ARPC5: variants seen among roughly 807,000 people sequenced by gnomAD.
ARPC5 encodes actin related protein 2/3 complex subunit 5.
ARPC5 carries 5 observed loss-of-function variants against 15.4 expected under a neutral mutation model. The observed-to-expected ratio is 0.32, with a 90% CI of 0.17 to 0.68. The LOEUF (loss-of-function observed/expected upper bound fraction) is 0.68, where lower values mean the gene tolerates loss of function less well. Among genes scored for constraint, ARPC5 ranks in the 30% least tolerant of loss-of-function variants. ARPC5 has a pLI of 0.71. For missense variants in ARPC5, 138 were observed against 192.8 expected, an observed-to-expected ratio of 0.72 and a Z score of 1.68; for synonymous variants, 85 against 72.2, an observed-to-expected ratio of 1.18 and a Z score of -0.90.
intron 1 of ARPC5, among the ~76,000 whole-genome samples, 173 bp downstream of exon 1, chr1:183,635,343 CG>C (rs1180217748): frequency 6.6e-6 from 1 of 152,174 alleles, no homozygotes; most frequent in Non-Finnish European, 1.5e-5. Flanking sequence ...GGGTAGGAAA[CG>C]GGGGCTTCCC....
At chr1:183,632,825 G>T in intron 2 of ARPC5, 1 of 309,402 alleles carries the variant, frequency 3.2e-6, no homozygotes, top group Non-Finnish European at 5.9e-6. Context: ...AATTCAGCCT[G>T]AGTGGTCTCC....
At chr1:183,628,387 A>T (rs74953013) in intron 3 of ARPC5, among the ~76,000 whole-genome samples, 1,566 of 152,240 alleles carry the variant, frequency 0.01, 25 homozygotes, top group African/African-American at 0.036. Context: ...GAACTTAGAA[A>T]CTTTAACTCT....
rs938788358 is a variant in ARPC5, at chr1:183,626,650, C to T, written c.*882G>A. The T allele has an allele frequency of 3.3e-5, 5 of 152,574 alleles. No individual in the cohort carries two copies. Among genetic ancestry groups the T allele is most frequent in the African/African-American group, 1.2e-4 (5 of 41,426 alleles). 9.5% of individuals were successfully genotyped at this position (152,574 alleles called of 1,614,324 possible). A position where few individuals can be genotyped will look rare whatever the true frequency, so the allele number is the denominator to read the frequency against. On this transcript the variant is annotated 3_prime_UTR_variant, in exon 4 of 4. Coordinates refer to ENST00000359856, the MANE Select transcript of ARPC5 (RefSeq NM_005717.4). The stretch of plus-strand genomic sequence containing the variant: ...GGTATCTTAAATACTAGTTGTATAC[C>T]TCATAATGTCTAAGGCAGCTATTAT...
chr1:183,628,609 A>G (rs1016037219), intron 3 of ARPC5, among the ~76,000 whole-genome samples: 3 of 152,230 alleles, frequency 2.0e-5, no homozygotes, highest in Admixed American at 6.5e-5. Flanking sequence ...GTATGAAATG[A>G]GAGTTGTGCT....
intron 2 of ARPC5, chr1:183,631,579 CAAAAAAAAAAAAAA>C (rs56947109): frequency 1.4e-5 from 1 of 70,192 alleles, no homozygotes; most frequent in African/African-American, 4.4e-5. Flanking sequence ...GACTCCGTCT[CAAAAAAAAAAAAAA>C]AAAAAAAAAA....
chr1:183,630,236 T>C (rs1303325595), intron 3 of ARPC5: 2 of 384,314 alleles, frequency 5.2e-6, no homozygotes, highest in Middle Eastern at 1.4e-3. Flanking sequence ...TTCAAGATTA[T>C]GTTTAATTAC....
At position 183,625,810 on chromosome 1, in the gene ARPC5, G is replaced by C. The variant is rs1345882506; in HGVS notation, c.*1722C>G. Reference sequence around the variant, plus strand: ...GTGTTTTAAAGTGGGAATCTAGTCAGGTGAAGATCGAAAGCAAACAGAAGT... The same window carrying C: ...GTGTTTTAAAGTGGGAATCTAGTCACGTGAAGATCGAAAGCAAACAGAAGT... On this transcript the variant is annotated 3_prime_UTR_variant, in exon 4 of 4. Transcript: ENST00000359856. The C allele has an allele frequency of 6.6e-6, 1 of 152,212 alleles. No homozygotes were observed. The highest frequency in any genetic ancestry group is 1.5e-5 in the Non-Finnish European group (1 of 68,048). 9.4% of individuals were successfully genotyped at this position (152,212 alleles called of 1,614,324 possible). A position where few individuals can be genotyped will look rare whatever the true frequency, so the allele number is the denominator to read the frequency against.
At chr1:183,632,025 TA>T (rs1188103342) in intron 2 of ARPC5, 1 of 152,174 alleles carries the variant, frequency 6.6e-6, no homozygotes. Flanking sequence ...GCATCCACGG[TA>T]AAAATGAAAT....
At chr1:183,632,920 C>A in intron 2 of ARPC5, 162 bp downstream of exon 2, 1 of 547,342 alleles carries the variant, frequency 1.8e-6, no homozygotes, top group Non-Finnish European at 3.2e-6. Flanking sequence ...CATTATAGGG[C>A]TATTTTTTCA....
chr1:183,633,174 T>G lies in ARPC5; in HGVS notation c.144-20A>C, dbSNP rs1649317536. The G allele has an allele frequency of 6.3e-7, 1 of 1,575,740 alleles. No homozygotes were observed. The highest frequency in any genetic ancestry group is 8.6e-7 in the Non-Finnish European group (1 of 1,162,984). ...TTTCCTGTGATGGAAGTTAAGGGTG[T>G]AACAGCAAAGGATGGCCCCCAGGAA... On this transcript the variant is annotated intron_variant, in intron 1 of 3. Coordinates refer to ENST00000359856, the MANE Select transcript of ARPC5 (RefSeq NM_005717.4).
intron 2 of ARPC5, chr1:183,630,875 GA>G: frequency 2.4e-6 from 1 of 411,234 alleles, no homozygotes; most frequent in Non-Finnish European, 4.3e-6. Flanking sequence ...ATTGGTGGGA[GA>G]AAAGCACGTG....
intron 2 of ARPC5, 140 bp from the exon 3 acceptor site, chr1:183,630,777 AGT>A (rs1298257694): frequency 1.3e-6 from 1 of 754,650 alleles, no homozygotes; most frequent in Non-Finnish European, 2.1e-6. Context: ...AACTGAGGAA[AGT>A]GTTTCAGACA....
At chr1:183,633,810 GCT>G (rs1309661388) in intron 1 of ARPC5, 3 of 152,046 alleles carry the variant, frequency 2.0e-5, no homozygotes, top group African/African-American at 7.3e-5. Context: ...TTAAATTCAG[GCT>G]CTCTTTGAAA....
At chr1:183,630,397 G>A (rs1649227180) in intron 3 of ARPC5, 64 bp downstream of exon 3, 4 of 1,294,968 alleles carry the variant, frequency 3.1e-6, no homozygotes, top group Non-Finnish European at 4.2e-6. Context: ...AGGTGAGAGA[G>A]GTTGTCATTG....
intron 2 of ARPC5, 95 bp from the exon 3 acceptor site, chr1:183,630,732 TAAGGACCTG>T (rs1649239801): frequency 8.2e-7 from 1 of 1,224,532 alleles, no homozygotes; most frequent in African/African-American, 1.5e-5. Flanking sequence ...GACATTTGAG[TAAGGACCTG>T]AAGGACGTGA....
At chr1:183,634,533 G>T (rs1262685177) in intron 1 of ARPC5, among the ~76,000 whole-genome samples, 1 of 152,096 alleles carries the variant, frequency 6.6e-6, no homozygotes, top group East Asian at 1.9e-4. Flanking sequence ...TACAGCTTCG[G>T]TTTTTTTGCA....
chr1:183,623,802 C>T lies in ARPC5; in HGVS notation c.*3730G>A. 3.0e-6 allele frequency: 1 copy of T among 332,014 alleles called. No homozygotes were observed. The highest frequency in any genetic ancestry group is 5.7e-6 in the Non-Finnish European group (1 of 176,766). 20.6% of individuals were successfully genotyped at this position (332,014 alleles called of 1,614,324 possible). On this transcript the variant is annotated 3_prime_UTR_variant, in exon 4 of 4. Transcript: ENST00000359856. Reference sequence around the variant, plus strand: ...CTTTGGGAGGCGGAGGAGGGTGGATCACCTGAGGTCAGGAGTTCAAGACCA... The same window carrying T: ...CTTTGGGAGGCGGAGGAGGGTGGATTACCTGAGGTCAGGAGTTCAAGACCA...
At chr1:183,634,404 T>C (rs540111998) in intron 1 of ARPC5, among the ~76,000 whole-genome samples, 2 of 152,344 alleles carry the variant, frequency 1.3e-5, no homozygotes, top group South Asian at 4.1e-4. Flanking sequence ...ATTGTTGCCA[T>C]TAAATATTTT....
In ARPC5 at chr1:183,625,847, G is replaced by A. The variant is rs1649080982; in HGVS notation, c.*1685C>T. ...AAGCAAACAGAAGTCGCTGTGAGTAGGTAAGTACAAGAAATAGATTTGAGG... is the reference window on the plus strand; with the variant it reads ...AAGCAAACAGAAGTCGCTGTGAGTAAGTAAGTACAAGAAATAGATTTGAGG... On this transcript the variant is annotated 3_prime_UTR_variant, in exon 4 of 4. Coordinates refer to ENST00000359856, the MANE Select transcript of ARPC5 (RefSeq NM_005717.4). The A allele has an allele frequency of 6.6e-6, 1 of 152,232 alleles. No homozygotes were observed. The highest frequency in any genetic ancestry group is 1.5e-5 in the Non-Finnish European group (1 of 68,052). The allele number at this position is 152,232 out of a possible 1,614,324, so 9.4% of individuals were successfully genotyped here.
Sources: gnomAD v4.1 joint callset for allele counts (sites outside exome capture counted in the v4.1 genomes callset) on GRCh38, gnomAD v4.1.1 for gene constraint, MANE v1.5 for transcripts, NCBI Gene and HGNC (gene_info 2026-07-23, HGNC 2026-07-21) for gene names.